The following SYNE2 variants were observed in gnomAD, a reference collection of about 807,000 sequenced individuals.
SYNE2 encodes spectrin repeat containing nuclear envelope protein 2, also known as nesprin-2.
Under a neutral mutation model 856.3 loss-of-function variants are expected in SYNE2, and 431 were observed. That is an observed-to-expected ratio of 0.50 (90% CI 0.47 to 0.55). The LOEUF (loss-of-function observed/expected upper bound fraction) is 0.55. Among genes scored for constraint, SYNE2 ranks in the 20% least tolerant of loss-of-function variants. SYNE2 has a pLI of 0.00. For synonymous variants in SYNE2, 2,923 were observed against 2,872.3 expected, an observed-to-expected ratio of 1.02 and a Z score of -0.56; for missense variants, 8,129 against 8,023.2, an observed-to-expected ratio of 1.01 and a Z score of -0.50.
chr14:63,988,303 C>T (rs368878658), intron 19 of SYNE2, among the ~76,000 whole-genome samples: 1 of 152,222 alleles, frequency 6.6e-6, no homozygotes, highest in East Asian at 1.9e-4. Context: ...GCCTTGAACT[C>T]CTGGGCTCAA....
chr14:64,100,531 A>ATATATATATATATAT (rs1555483884), intron 63 of SYNE2, among the ~76,000 whole-genome samples: 2 of 39,478 alleles, frequency 5.1e-5, no homozygotes, highest in African/African-American at 9.2e-5. Flanking sequence ...AAAAAAAAAA[A>ATATATATATATATAT]ATATATATAT....
intron 9 of SYNE2, among the ~76,000 whole-genome samples, chr14:63,962,039 T>C (rs1216776471): frequency 6.6e-6 from 1 of 151,594 alleles, no homozygotes; most frequent in Non-Finnish European, 1.5e-5. Context: ...TTTTTTATTT[T>C]TATTTTTATT....
chr14:64,223,061 A>G, intron 112 of SYNE2, 128 bp from the exon 113 acceptor site: 5 of 872,864 alleles, frequency 5.7e-6, no homozygotes, highest in African/African-American at 1.7e-5. Flanking sequence ...TGAGAAATAG[A>G]GGATTCTCGA....
At chr14:64,191,233 C>T in intron 99 of SYNE2, 1 of 243,474 alleles carries the variant, frequency 4.1e-6, no homozygotes, top group African/African-American at 2.3e-5. Flanking sequence ...TTCTTTACCT[C>T]ATTGTTTACT....
chr14:64,060,272 A>G (rs925758957), intron 49 of SYNE2, among the ~76,000 whole-genome samples: 1 of 152,102 alleles, frequency 6.6e-6, no homozygotes, highest in African/African-American at 2.4e-5. Flanking sequence ...TGAAGCCAGC[A>G]TGTCTCAGTC....
intron 32 of SYNE2, among the ~76,000 whole-genome samples, chr14:64,014,065 T>G (rs2153522043): frequency 6.6e-6 from 1 of 152,190 alleles, no homozygotes; most frequent in African/African-American, 2.4e-5. Context: ...TTCTATAATT[T>G]TATTATTTTA....
At chr14:63,871,090 C>T (rs1246638824) in intron 1 of SYNE2, among the ~76,000 whole-genome samples, 2 of 152,008 alleles carry the variant, frequency 1.3e-5, no homozygotes, top group East Asian at 1.9e-4. Flanking sequence ...ATATTTAGTA[C>T]GAACTCTCCA....
chr14:64,072,538 C>A (rs7153871), intron 52 of SYNE2, among the ~76,000 whole-genome samples: 6,344 of 151,170 alleles, frequency 0.042, 464 homozygotes, highest in African/African-American at 0.15. Context: ...CTTGCTCTGT[C>A]GCCTAGGCTG....
rs1310966810 is a variant in SYNE2 at position 64,168,762 on chromosome 14, AAATT to A, written c.16906-109_16906-106del. The stretch of plus-strand genomic sequence containing the variant: ...TTTGCAGTAGGTTCAAATAATATGA[AAATT>A]AATTATCCCTCATATCCTTTGTAAG... On this transcript the variant is annotated intron_variant, in intron 92 of 115. Transcript: ENST00000555002. 1.7e-5 allele frequency: 13 copies of A among 745,352 alleles called. No homozygotes were observed. The Admixed American group carries it at 1.8e-4, about 10-fold the overall frequency. 46.2% of individuals were successfully genotyped at this position (745,352 alleles called of 1,614,324 possible). A position where few individuals can be genotyped will look rare whatever the true frequency, so the allele number is the denominator to read the frequency against.
At chr14:64,066,265 T>C (rs973221025) in intron 51 of SYNE2, among the ~76,000 whole-genome samples, 1 of 152,132 alleles carries the variant, frequency 6.6e-6, no homozygotes, top group Non-Finnish European at 1.5e-5. Context: ...TTTGGGAGGC[T>C]GAGACAGGAG....
In SYNE2 at chr14:64,214,341, G is replaced by A. The variant is rs200971467; in HGVS notation, c.19204G>A (p.Glu6402Lys). 23 of 1,614,140 alleles carry A rather than the reference G, an allele frequency of 1.4e-5. No individual in the cohort carries two copies. The highest frequency in any genetic ancestry group is 3.3e-5 in the Admixed American group (2 of 60,018). Residue 6402 changes from glutamate to lysine, a missense_variant, in exon 106 of 116, where the codon GAG becomes AAG. Physicochemically the swap from Glu to Lys is moderately conservative, Grantham distance 56 (BLOSUM62 1). This residue lies in a region of SYNE2 where 5,410 missense variants were observed against 5,284.8 expected (regional missense o/e 1.02). Transcript: ENST00000555002. ...GTGTCATCTAGTGGCCCCAGGGCAC[G>A]AGCGGTCTGGCTGCGAGACCCCTGT... ...SLCHLVAPGH[E>K]RSGCETPVSV...
intron 1 of SYNE2, among the ~76,000 whole-genome samples, chr14:63,806,707 C>CT (rs957500511): frequency 1.3e-5 from 2 of 151,748 alleles, no homozygotes; most frequent in Non-Finnish European, 2.9e-5. Flanking sequence ...GTATTGCTTT[C>CT]TTTTTTTAAA....
At chr14:63,787,671 C>G (rs1333409801) in intron 1 of SYNE2, among the ~76,000 whole-genome samples, 1 of 152,216 alleles carries the variant, frequency 6.6e-6, no homozygotes, top group East Asian at 1.9e-4. Flanking sequence ...CTGGTAGTCC[C>G]ATGATCTCTC....
chr14:63,803,220 G>A (rs557346266), intron 1 of SYNE2, among the ~76,000 whole-genome samples: 6 of 152,336 alleles, frequency 3.9e-5, no homozygotes, highest in South Asian at 4.1e-4. Context: ...ATCCCCCACC[G>A]GGGCTGCAGG....
intron 100 of SYNE2, among the ~76,000 whole-genome samples, chr14:64,208,430 C>T (rs1040557628): frequency 6.6e-6 from 1 of 152,194 alleles, no homozygotes; most frequent in African/African-American, 2.4e-5. Flanking sequence ...CATGCATACC[C>T]GAAGTCTGTG....
At chr14:64,122,535 GT>G (rs769642672) in intron 70 of SYNE2, 108 bp downstream of exon 70, 10 of 1,434,474 alleles carry the variant, frequency 7.0e-6, no homozygotes, top group Non-Finnish European at 9.7e-6. Flanking sequence ...TGCCAAGTGA[GT>G]TTTTTACTTG....
At chr14:64,144,680 T>C (rs1253976182) in intron 83 of SYNE2, among the ~76,000 whole-genome samples, 1 of 152,214 alleles carries the variant, frequency 6.6e-6, no homozygotes, top group African/African-American at 2.4e-5. Context: ...GATAATGGCT[T>C]AAGTACTTTC....
intron 99 of SYNE2, among the ~76,000 whole-genome samples, chr14:64,200,115 C>A (rs1183172429): frequency 6.6e-6 from 1 of 151,984 alleles, no homozygotes; most frequent in Non-Finnish European, 1.5e-5. Flanking sequence ...TGAATTCTTC[C>A]GGTGTGTTAA....
intron 45 of SYNE2, among the ~76,000 whole-genome samples, chr14:64,034,141 A>T (rs1442353167): frequency 6.6e-6 from 1 of 152,232 alleles, no homozygotes; most frequent in Non-Finnish European, 1.5e-5. Flanking sequence ...AACTGTGTTA[A>T]TGACTGAAGC....
Sources: gnomAD v4.1 joint callset for allele counts (sites outside exome capture counted in the v4.1 genomes callset) on GRCh38, gnomAD v4.1.1 for gene constraint, gnomAD v4.1.1 regional missense constraint, MANE v1.5 for transcripts, NCBI Gene and HGNC (gene_info 2026-07-23, HGNC 2026-07-21) for gene names.